The following CPSF2 variants were observed in gnomAD, a reference collection of about 807,000 sequenced individuals.
CPSF2 encodes cleavage and polyadenylation specificity factor subunit 2.
CPSF2 carries 51 observed loss-of-function variants against 84.2 expected under a neutral mutation model. The observed-to-expected ratio is 0.61, with a 90% confidence interval of 0.48 to 0.77. CPSF2 has a LOEUF of 0.77. CPSF2 is among the 30% of genes least tolerant of loss of function. CPSF2 has a pLI of 0.00. For missense variants in CPSF2, 641 were observed against 929.4 expected (o/e 0.69, Z 4.03); for synonymous variants, 286 against 311.9 (o/e 0.92, Z 0.87).
intron 9 of CPSF2, among the ~76,000 whole-genome samples, chr14:92,151,991 A>G (rs1281156209): frequency 1.4e-5 from 2 of 138,764 alleles, no homozygotes; most frequent in Non-Finnish European, 3.1e-5. Context: ...AGCCTGGGCA[A>G]TGGAGCAAGA....
chr14:92,138,344 C>A lies in CPSF2; in HGVS notation c.658C>A (p.Leu220Met). The A allele has an allele frequency of 6.7e-7, 1 of 1,486,880 alleles. No individual in the cohort carries two copies. The highest frequency in any genetic ancestry group is 1.2e-5 in the South Asian group (1 of 80,370). The allele number at this position is 1,486,880 out of a possible 1,614,324, so 92.1% of individuals were successfully genotyped here. Residue 220 changes from leucine to methionine, a missense_variant, in exon 7 of 16, where the codon CTG (leucine) becomes ATG (methionine). By Grantham distance (15) the Leu-to-Met change is conservative (BLOSUM62 2). This residue lies in a region of CPSF2 where 211 missense variants were observed against 375.7 expected (regional missense o/e 0.56). Transcript: ENST00000298875. Reference protein sequence around the residue: ...PRRKQRDEQLLTNVLETLRGD... With the variant: ...PRRKQRDEQLMTNVLETLRGD... ...AAGAAAACAGAGAGATGAGCAGCTT[C>A]TGAGTACGTATTCTTTCACGTCCTT...
intron 8 of CPSF2, 126 bp from the exon 9 acceptor site, chr14:92,142,877 CA>C: frequency 1.2e-6 from 1 of 813,092 alleles, no homozygotes; most frequent in East Asian, 2.7e-5. Flanking sequence ...AGCTGCTTGT[CA>C]AAACAGTACA....
rs1051077155 is a variant in CPSF2, at chr14:92,162,188, A to G, written c.*444A>G. On this transcript the variant is annotated 3_prime_UTR_variant, in exon 16 of 16. Coordinates refer to ENST00000298875, the MANE Select transcript of CPSF2 (RefSeq NM_017437.3). ...CCAAAAAAAAAACAAAACTGATAAA[A>G]CAGTTTTTCGAAACTTACTTTTAAA... 3.9e-5 allele frequency: 6 copies of G among 152,814 alleles called. No individual in the cohort carries two copies. Among genetic ancestry groups the G allele is most frequent in the Non-Finnish European group, 7.3e-5 (5 of 68,198 alleles). 9.5% of individuals were successfully genotyped at this position (152,814 alleles called of 1,614,324 possible).
At chr14:92,135,579 T>A in intron 6 of CPSF2, 83 bp downstream of exon 6, 1 of 1,433,934 alleles carries the variant, frequency 7.0e-7, no homozygotes, top group Non-Finnish European at 9.4e-7. Flanking sequence ...ACACAGTTTT[T>A]GTTTTGGTTA....
Position 92,161,132 on chromosome 14 carries a change from T to C in CPSF2, c.2142T>C (p.Val714=), listed in dbSNP as rs1290256417. ...PPHEVPGHQS[V]FMNEPRLSDF... is the part of the protein sequence containing the mutation. ...CTAAGGTTCCTGGACATCAGTCAGT[T>C]TTTATGAATGAACCAAGGCTGTCAG... Residue 714 remains valine (V), a synonymous_variant, in exon 15 of 16, where the codon GTT becomes GTC. Transcript: ENST00000298875. 6.2e-7 allele frequency: 1 copy of C among 1,613,702 alleles called. No individual in the cohort carries two copies. The highest frequency in any genetic ancestry group is 8.5e-7 in the Non-Finnish European group (1 of 1,179,846).
chr14:92,138,588 C>T (rs1443549754), intron 7 of CPSF2, among the ~76,000 whole-genome samples: 3 of 152,050 alleles, frequency 2.0e-5, no homozygotes, highest in African/African-American at 7.2e-5. Flanking sequence ...CACCACCACG[C>T]CCAGCTAATT....
At chr14:92,161,278 A>G in intron 15 of CPSF2, 32 bp downstream of exon 15, 1 of 1,583,728 alleles carries the variant, frequency 6.3e-7, no homozygotes, top group Non-Finnish European at 8.6e-7. Context: ...GCTGAATTGA[A>G]CACATACGTC....
intron 3 of CPSF2, among the ~76,000 whole-genome samples, chr14:92,133,291 T>C (rs11844407): frequency 0.012 from 1,819 of 148,806 alleles, 38 homozygotes; most frequent in African/African-American, 0.042. Context: ...TGGTGGCACA[T>C]GCCTGTAATC....
At chr14:92,132,520 C>G (rs1300309148) in intron 3 of CPSF2, among the ~76,000 whole-genome samples, 1 of 151,866 alleles carries the variant, frequency 6.6e-6, no homozygotes, top group Non-Finnish European at 1.5e-5. Flanking sequence ...GCCGGTAATC[C>G]CAGCACTTTG....
intron 9 of CPSF2, among the ~76,000 whole-genome samples, chr14:92,147,961 A>G (rs1225264378): frequency 6.6e-6 from 1 of 152,220 alleles, no homozygotes; most frequent in Non-Finnish European, 1.5e-5. Flanking sequence ...CTGGCCTCAA[A>G]CAATTCTCCC....
intron 5 of CPSF2, among the ~76,000 whole-genome samples, chr14:92,135,075 ATAAT>A (rs2068981367): frequency 6.6e-6 from 1 of 152,242 alleles, no homozygotes; most frequent in Admixed American, 6.5e-5. Flanking sequence ...TTCATACTAA[ATAAT>A]TTAATAGTGT....
intron 14 of CPSF2, among the ~76,000 whole-genome samples, chr14:92,159,787 T>C (rs1025924157): frequency 2.0e-5 from 3 of 152,220 alleles, no homozygotes; most frequent in African/African-American, 7.2e-5. Flanking sequence ...ATATTAATTC[T>C]ATATAGCTAA....
chr14:92,141,088 A>G (rs766736104), intron 7 of CPSF2, among the ~76,000 whole-genome samples: 3 of 152,170 alleles, frequency 2.0e-5, no homozygotes, highest in Non-Finnish European at 2.9e-5. Context: ...AGGCATACAT[A>G]CATACAAACT....
chr14:92,143,480 AC>A (rs1156477592), intron 9 of CPSF2, among the ~76,000 whole-genome samples, 186 bp downstream of exon 9: 2 of 152,104 alleles, frequency 1.3e-5, no homozygotes, highest in Non-Finnish European at 2.9e-5. Context: ...AGGCGGAAGG[AC>A]CACTCGAGCC....
At chr14:92,142,563 C>G (rs79559709) in intron 8 of CPSF2, among the ~76,000 whole-genome samples, 1,978 of 152,182 alleles carry the variant, frequency 0.013, 67 homozygotes, top group East Asian at 0.13. Context: ...TCCATTGTGT[C>G]CCTGTTTTAA....
rs1208118314 is a variant in CPSF2, at chr14:92,157,119, T to C, written c.1595+488T>C. ...GTTAAATAATACCAGTAAGTGATCATTTTGGAATTTCTTTTAAGTCATCAG... is the reference window on the plus strand; with the variant it reads ...GTTAAATAATACCAGTAAGTGATCACTTTGGAATTTCTTTTAAGTCATCAG... On this transcript the variant is annotated intron_variant, in intron 12 of 15. Transcript: ENST00000298875. The surrounding 1 kb of genome is among the most constrained non-coding windows in gnomAD (Gnocchi z 4.0). Among the ~76,000 whole-genome samples, 1 of 152,208 alleles carries C rather than the reference T, an allele frequency of 6.6e-6. No homozygotes were observed. The highest frequency in any genetic ancestry group is 1.5e-5 in the Non-Finnish European group (1 of 68,038).
intron 4 of CPSF2, 22 bp downstream of exon 4, chr14:92,134,192 A>T (rs774200294): frequency 1.2e-6 from 2 of 1,613,180 alleles, no homozygotes; most frequent in Non-Finnish European, 1.7e-6. Flanking sequence ...AATTAAAAAA[A>T]TTTTGTTAGC....
chr14:92,162,606 T>C lies in CPSF2; in HGVS notation c.*862T>C, dbSNP rs1033336840. 1 of 152,186 alleles carries C rather than the reference T, an allele frequency of 6.6e-6. No individual in the cohort carries two copies. The highest frequency in any genetic ancestry group is 1.5e-5 in the Non-Finnish European group (1 of 68,034). 9.4% of individuals were successfully genotyped at this position (152,186 alleles called of 1,614,324 possible). ...GTGTAATTTAATTAAAAGGTGTAAATGTTTTCATCTCTTAGGCTTGCTGTC... is the reference window on the plus strand; with the variant it reads ...GTGTAATTTAATTAAAAGGTGTAAACGTTTTCATCTCTTAGGCTTGCTGTC... On this transcript the variant is annotated 3_prime_UTR_variant, in exon 16 of 16. Transcript: ENST00000298875.
In CPSF2 at chr14:92,123,093, G is replaced by T. The variant is rs114102206; in HGVS notation, c.-94+965G>T. ...ACTCCTCTGTTTTCCCTTGGATTTT[G>T]CTTAGTTCACCTTAGTTGTCATCAA... On this transcript the variant is annotated intron_variant, in intron 1 of 15. Coordinates refer to ENST00000298875, the MANE Select transcript of CPSF2 (RefSeq NM_017437.3). Among the ~76,000 whole-genome samples, 864 of 152,128 alleles carry T rather than the reference G, an allele frequency of 5.7e-3. 5 individuals carry two copies. The highest frequency in any genetic ancestry group is 0.018 in the African/African-American group (760 of 41,510).
Sources: allele counts gnomAD v4.1 joint callset (sites outside exome capture counted in the v4.1 genomes callset), GRCh38; gene constraint gnomAD v4.1.1; regional missense constraint gnomAD v4.1.1; non-coding constraint Gnocchi (gnomAD v3.1); transcripts MANE v1.5; gene names NCBI Gene and HGNC (gene_info 2026-07-23, HGNC 2026-07-21).